SNX29: variants seen among roughly 807,000 people sequenced by gnomAD.
SNX29 encodes the protein sorting nexin 29.
SNX29 carries 78 observed loss-of-function variants against 102.1 expected under a neutral mutation model. That is an observed-to-expected ratio of 0.76 (90% confidence interval 0.64 to 0.92). The LOEUF is 0.92. Among genes scored for constraint, SNX29 ranks in the 40% least tolerant of loss-of-function variants. The probability of loss-of-function intolerance (pLI) is 0.00; values close to 1 mark genes in which losing one functional copy is unlikely to be tolerated. For missense variants in SNX29, 1,280 were observed against 1,061.7 expected (o/e 1.21, Z -2.86); for synonymous variants, 580 against 414.5 (o/e 1.40, Z -4.85).
At chr16:12,499,747 C>T (rs2089016213) in intron 19 of SNX29, among the ~76,000 whole-genome samples, 1 of 152,202 alleles carries the variant, frequency 6.6e-6, no homozygotes, top group Non-Finnish European at 1.5e-5. Context: ...AATCACGGCT[C>T]ACTTGCAGCC....
chr16:12,218,956 A>C (rs538103270), intron 14 of SNX29, among the ~76,000 whole-genome samples: 9 of 152,172 alleles, frequency 5.9e-5, no homozygotes, highest in African/African-American at 2.2e-4. Context: ...TTGTATTTTT[A>C]GTAGAGACGG....
chr16:12,384,569 AT>A (rs1182474426), intron 16 of SNX29, among the ~76,000 whole-genome samples: 1 of 151,636 alleles, frequency 6.6e-6, no homozygotes, highest in African/African-American at 2.4e-5. Context: ...GGATTATTAG[AT>A]TTTTTTCTTG....
At chr16:12,231,551 AAAAAAC>A (rs1444262648) in intron 14 of SNX29, among the ~76,000 whole-genome samples, 1 of 146,854 alleles carries the variant, frequency 6.8e-6, no homozygotes. Context: ...AACAAAAAAC[AAAAAAC>A]AAAAACAAAA....
At chr16:12,359,350 T>A (rs2082235482) in intron 16 of SNX29, among the ~76,000 whole-genome samples, 1 of 152,218 alleles carries the variant, frequency 6.6e-6, no homozygotes, top group African/African-American at 2.4e-5. Flanking sequence ...AATACCTTTT[T>A]GCATGAGATG....
chr16:12,549,713 A>G (rs1007333422), intron 20 of SNX29, among the ~76,000 whole-genome samples: 8 of 152,224 alleles, frequency 5.3e-5, no homozygotes, highest in Admixed American at 3.3e-4. Context: ...TGGGGCCAGG[A>G]GAGTCACCCT....
At chr16:12,079,149 C>T (rs533603564) in intron 11 of SNX29, among the ~76,000 whole-genome samples, 2 of 152,184 alleles carry the variant, frequency 1.3e-5, no homozygotes, top group African/African-American at 4.8e-5. Flanking sequence ...GCAGCCTTGC[C>T]GTAGACTTCT....
At chr16:12,095,742 A>G (rs1171098958) in intron 11 of SNX29, among the ~76,000 whole-genome samples, 2 of 152,084 alleles carry the variant, frequency 1.3e-5, no homozygotes, top group African/African-American at 4.8e-5. Flanking sequence ...AGTGAAGGTG[A>G]TAGAGTCAGG....
rs529348742 is a variant in SNX29, at chr16:12,392,082, C to G, written c.1900-6364C>G. Among the ~76,000 whole-genome samples, 7 of 152,306 alleles carry G rather than the reference C, an allele frequency of 4.6e-5. 1 individual carries two copies. In the South Asian group the frequency reaches 1.5e-3, roughly 32 times the overall value. On this transcript the variant is annotated intron_variant, in intron 16 of 20. Coordinates refer to ENST00000566228, the MANE Select transcript of SNX29 (RefSeq NM_032167.5). The stretch of plus-strand genomic sequence containing the variant: ...TTCATGCATATAGACACGTGTGTCT[C>G]CCAACACGCTAATACTTCAAGAGGA...
chr16:12,376,198 C>A (rs2082868657), intron 16 of SNX29, among the ~76,000 whole-genome samples: 2 of 152,150 alleles, frequency 1.3e-5, no homozygotes, highest in African/African-American at 2.4e-5. Context: ...TAGAAGGCTG[C>A]ACACCACAGG....
chr16:12,457,978 G>T (rs2086611982), intron 18 of SNX29, among the ~76,000 whole-genome samples: 1 of 152,124 alleles, frequency 6.6e-6, no homozygotes, highest in Non-Finnish European at 1.5e-5. Context: ...CATCTGAAAT[G>T]TTCTATTGTT....
At chr16:12,363,627 G>A (rs1410644492) in intron 16 of SNX29, among the ~76,000 whole-genome samples, 1 of 152,196 alleles carries the variant, frequency 6.6e-6, no homozygotes, top group Non-Finnish European at 1.5e-5. Context: ...CATGTAGTAG[G>A]TGCTCAGTAA....
intron 16 of SNX29, among the ~76,000 whole-genome samples, chr16:12,363,358 C>T (rs1389376492): frequency 1.3e-5 from 2 of 152,238 alleles, no homozygotes; most frequent in African/African-American, 4.8e-5. Flanking sequence ...CCACTTCCCT[C>T]TTCCTTTCCA....
chr16:12,493,598 G>A (rs1039343497), intron 19 of SNX29, among the ~76,000 whole-genome samples: 24 of 152,080 alleles, frequency 1.6e-4, no homozygotes, highest in Non-Finnish European at 2.9e-4. Flanking sequence ...GAGAGAGGGC[G>A]TTGTTGTTGT....
chr16:12,407,352 T>C (rs2151528884), intron 18 of SNX29, among the ~76,000 whole-genome samples: 1 of 152,336 alleles, frequency 6.6e-6, no homozygotes, highest in East Asian at 1.9e-4. Context: ...TGTATTCATT[T>C]TTACATTTGC....
intron 19 of SNX29, among the ~76,000 whole-genome samples, chr16:12,513,294 G>C (rs1274905581): frequency 7.6e-6 from 1 of 131,082 alleles, no homozygotes; most frequent in Admixed American, 8.0e-5. Context: ...CAGCCCTCCT[G>C]CCTTGCCCTC....
intron 14 of SNX29, among the ~76,000 whole-genome samples, chr16:12,221,730 C>A (rs1239819340): frequency 3.3e-5 from 5 of 152,206 alleles, no homozygotes; most frequent in Non-Finnish European, 7.3e-5. Context: ...AAGGACTGAA[C>A]ATCCGTCGCA....
At chr16:12,253,488 T>C (rs1950726833) in intron 14 of SNX29, among the ~76,000 whole-genome samples, 1 of 151,156 alleles carries the variant, frequency 6.6e-6, no homozygotes, top group South Asian at 2.1e-4. Context: ...GGCTCAGGAG[T>C]GTGGGGAGAT....
chr16:12,558,517 A>AC (rs745996696), intron 20 of SNX29, among the ~76,000 whole-genome samples: 7 of 152,176 alleles, frequency 4.6e-5, no homozygotes, highest in Non-Finnish European at 1.0e-4. Context: ...AGCACTGTTT[A>AC]CCCCAGGGAT....
At chr16:11,983,737 G>A in intron 1 of SNX29, 36 of 983,252 alleles carry the variant, frequency 3.7e-5, no homozygotes, top group Non-Finnish European at 4.2e-5. Flanking sequence ...CAAATGCTTA[G>A]AGCTCTTAAA....
Sources: allele counts gnomAD v4.1 joint callset (sites outside exome capture counted in the v4.1 genomes callset), GRCh38; gene constraint gnomAD v4.1.1; transcripts MANE v1.5; gene names NCBI Gene and HGNC (gene_info 2026-07-23, HGNC 2026-07-21).